Variants in NUBP1 observed in about 807,000 individuals in gnomAD.
The protein encoded by NUBP1 is NUBP iron-sulfur cluster assembly factor 1, cytosolic.
NUBP1 carries 46 observed loss-of-function variants against 41.8 expected under a neutral mutation model. That is an observed-to-expected ratio of 1.10 (90% CI 0.87 to 1.41). The LOEUF (loss-of-function observed/expected upper bound fraction) is 1.41, where lower values mean the gene tolerates loss of function less well. NUBP1 is among the 40% of genes most tolerant of loss of function. The probability of loss-of-function intolerance (pLI) is 0.00; values close to 1 mark genes in which losing one functional copy is unlikely to be tolerated. For synonymous variants in NUBP1, 189 were observed against 154.6 expected, an observed-to-expected ratio of 1.22 and a Z score of -1.65; for missense variants, 494 against 414.0, an observed-to-expected ratio of 1.19 and a Z score of -1.68.
rs1038087935 is a variant in NUBP1 at position 10,759,486 on chromosome 16, G to A, written c.606+1459G>A. Reference sequence around the variant, plus strand: ...GTTTTCTGTCCCATTTTTAAAAAGTGGTTGGTGCTGGGCACACTGGCTCAT... The same window carrying A: ...GTTTTCTGTCCCATTTTTAAAAAGTAGTTGGTGCTGGGCACACTGGCTCAT... On this transcript the variant is annotated intron_variant, in intron 7 of 10. Transcript: ENST00000283027. The surrounding 1 kb of genome is among the most constrained non-coding windows in gnomAD (Gnocchi z 4.7). 6.6e-6 allele frequency among the ~76,000 whole-genome samples: 1 copy of A among 152,192 alleles called. No individual in the cohort carries two copies. Among genetic ancestry groups the A allele is most frequent in the African/African-American group, 2.4e-5 (1 of 41,446 alleles).
chr16:10,767,748 C>T lies in NUBP1; in HGVS notation c.821-201C>T. On this transcript the variant is annotated intron_variant, in intron 9 of 10. Transcript: ENST00000283027. The surrounding 1 kb of genome is among the most constrained non-coding windows in gnomAD (Gnocchi z 4.6). ...TTCTGTACACCACCTGATTATTTAG[C>T]CACGCTGAAATGCTGGCTGGGGACC... 1 of 586,584 alleles carries T rather than the reference C, an allele frequency of 1.7e-6. No individual in the cohort carries two copies. The highest frequency in any genetic ancestry group is 2.0e-5 in the South Asian group (1 of 49,214). The allele number at this position is 586,584 out of a possible 1,614,324, so 36.3% of individuals were successfully genotyped here. A position where few individuals can be genotyped will look rare whatever the true frequency, so the allele number is the denominator to read the frequency against.
intron 9 of NUBP1, chr16:10,762,066 C>G: frequency 2.0e-6 from 1 of 507,312 alleles, no homozygotes; most frequent in Non-Finnish European, 3.6e-6. Context: ...CGGGAGCAAG[C>G]AGGCCTCAGG....
chr16:10,747,374 C>G, intron 3 of NUBP1, 98 bp downstream of exon 3: 1 of 1,503,204 alleles, frequency 6.7e-7, no homozygotes, highest in Admixed American at 1.9e-5. Context: ...TGGTTCATGC[C>G]TGTAATCCCA....
At chr16:10,758,652 C>T (rs1900736210) in intron 7 of NUBP1, among the ~76,000 whole-genome samples, 1 of 152,188 alleles carries the variant, frequency 6.6e-6, no homozygotes, top group Non-Finnish European at 1.5e-5. Context: ...TACTGTGCTG[C>T]CTGGCCCCGT....
Position 10,752,701 on chromosome 16 carries a change from A to T in NUBP1, c.327+23A>T, listed in dbSNP as rs1358816270. 1.9e-6 allele frequency: 3 copies of T among 1,604,114 alleles called. No individual in the cohort carries two copies. The Admixed American group carries it at 5.0e-5, about 27-fold the overall frequency. Reference sequence around the variant, plus strand: ...CAGGTAATAGCCGGTTACAGAACTCAGGAAATTATTCTCTTAAGGCAAACT... The same window carrying T: ...CAGGTAATAGCCGGTTACAGAACTCTGGAAATTATTCTCTTAAGGCAAACT... On this transcript the variant is annotated intron_variant, in intron 4 of 10. Transcript: ENST00000283027.
chr16:10,756,832 G>A, intron 6 of NUBP1, 52 bp downstream of exon 6: 1 of 1,471,760 alleles, frequency 6.8e-7, no homozygotes, highest in Non-Finnish European at 9.3e-7. Context: ...GAGCGTTGTG[G>A]CTCTTGGCTT....
In NUBP1 at chr16:10,743,966, C is replaced by T. The variant is rs761142433; in HGVS notation, c.25C>T (p.Pro9Ser). 2 of 1,585,782 alleles carry T rather than the reference C, an allele frequency of 1.3e-6. No homozygotes were observed. Among genetic ancestry groups the T allele is most frequent in the Non-Finnish European group, 1.7e-6 (2 of 1,170,846 alleles). The change falls in exon 2 of 11, where the codon CCA becomes TCA. Residue 9 changes from proline to serine, a missense_variant. Physicochemically the swap from Pro to Ser is moderately conservative, Grantham distance 74. Transcript: ENST00000283027. MEEVPHDC[P>S]GADSAQAGRG... ...GTGGTCTTGTCTCTGCGCAGACTGT[C>T]CAGGGGCCGACAGCGCCCAGGCGGG...
In NUBP1 at chr16:10,768,907, G is replaced by A; in HGVS notation, c.905-140G>A. 1 of 705,230 alleles carries A rather than the reference G, an allele frequency of 1.4e-6. No individual in the cohort carries two copies. The highest frequency in any genetic ancestry group is 2.5e-6 in the Non-Finnish European group (1 of 402,734). 43.7% of individuals were successfully genotyped at this position (705,230 alleles called of 1,614,324 possible). A position where few individuals can be genotyped will look rare whatever the true frequency, so the allele number is the denominator to read the frequency against. On this transcript the variant is annotated intron_variant, in intron 10 of 10. Coordinates refer to ENST00000283027, the MANE Select transcript of NUBP1 (RefSeq NM_002484.4). The surrounding 1 kb of genome is among the most constrained non-coding windows in gnomAD (Gnocchi z 4.3). The stretch of plus-strand genomic sequence containing the variant: ...TTCCGGTCACTTTCAAAGACTCAGG[G>A]CATCACAGACACAGGTCTTTTTATG...
At chr16:10,760,966 G>A in intron 7 of NUBP1, 1 of 194,950 alleles carries the variant, frequency 5.1e-6, no homozygotes, top group East Asian at 1.3e-4. Context: ...GGCTGGGAAG[G>A]CCCCAGGAAA....
At chr16:10,758,462 G>C (rs1235206208) in intron 7 of NUBP1, among the ~76,000 whole-genome samples, 1 of 152,166 alleles carries the variant, frequency 6.6e-6, no homozygotes, top group African/African-American at 2.4e-5. Context: ...AAGCGAGTGA[G>C]GCCTTGTCCC....
intron 3 of NUBP1, among the ~76,000 whole-genome samples, chr16:10,751,642 G>A (rs530107993): frequency 7.7e-4 from 118 of 152,330 alleles, no homozygotes; most frequent in African/African-American, 2.7e-3. Context: ...CCTGAAGGCC[G>A]TCTCAGACCT....
In NUBP1 at chr16:10,757,738, G is replaced by A; in HGVS notation, c.452-135G>A. On this transcript the variant is annotated intron_variant, in intron 6 of 10. Transcript: ENST00000283027. The surrounding 1 kb of genome is among the most constrained non-coding windows in gnomAD (Gnocchi z 4.1). ...AGTTACTTGGGAGGCTGAGGTGGGA[G>A]GATTGCTTGAGCCTCAGAGTTAAGA... 1 of 1,025,052 alleles carries A rather than the reference G, an allele frequency of 9.8e-7. No homozygotes were observed. Among genetic ancestry groups the A allele is most frequent in the Non-Finnish European group, 1.4e-6 (1 of 696,970 alleles). 63.5% of individuals were successfully genotyped at this position (1,025,052 alleles called of 1,614,324 possible). A position where few individuals can be genotyped will look rare whatever the true frequency, so the allele number is the denominator to read the frequency against.
At chr16:10,754,269 T>A (rs942137980) in intron 4 of NUBP1, among the ~76,000 whole-genome samples, 3 of 151,364 alleles carry the variant, frequency 2.0e-5, no homozygotes, top group Non-Finnish European at 4.4e-5. Context: ...TGAGACAGAG[T>A]TTCACTCTTG....
intron 4 of NUBP1, among the ~76,000 whole-genome samples, chr16:10,754,650 G>C (rs1334147646): frequency 6.6e-6 from 1 of 152,196 alleles, no homozygotes; most frequent in African/African-American, 2.4e-5. Flanking sequence ...AGAGAAAGTG[G>C]ATTAGGGGTC....
rs982384130 is a variant in NUBP1 at position 10,747,017 on chromosome 16, G to T, written c.125-126G>T. ...ACCATTGTCTGAGAGGTATTTCAGAGGATCGTTTTAAACAGCCCCAGGACT... is the reference window on the plus strand; with the variant it reads ...ACCATTGTCTGAGAGGTATTTCAGATGATCGTTTTAAACAGCCCCAGGACT... On this transcript the variant is annotated intron_variant, in intron 2 of 10. Transcript: ENST00000283027. The T allele has an allele frequency of 4.7e-6, 5 of 1,068,958 alleles. No individual in the cohort carries two copies. In the African/African-American group the frequency reaches 6.4e-5, roughly 14 times the overall value. The allele number at this position is 1,068,958 out of a possible 1,614,324, so 66.2% of individuals were successfully genotyped here. A position where few individuals can be genotyped will look rare whatever the true frequency, so the allele number is the denominator to read the frequency against.
Position 10,749,157 on chromosome 16 carries a change from A to ACACC in NUBP1, c.258+1884_258+1885insCCAC. 6.7e-6 allele frequency among the ~76,000 whole-genome samples: 1 copy of ACACC among 150,202 alleles called. No individual in the cohort carries two copies. The highest frequency in any genetic ancestry group is 6.6e-5 in the Admixed American group (1 of 15,062). ...CACACACACACACACACACACACACACACACACACACACGTTGATTCGTCA... is the reference window on the plus strand; with the variant it reads ...CACACACACACACACACACACACACACACCCACACACACACACGTTGATTCGTCA... On this transcript the variant is annotated intron_variant, in intron 3 of 10. Transcript: ENST00000283027. The surrounding 1 kb of genome is among the most constrained non-coding windows in gnomAD (Gnocchi z 4.1).
chr16:10,764,318 T>C lies in NUBP1; in HGVS notation c.820+2459T>C, dbSNP rs543693096. ...TGGAGTATTTGTCTATTGGAGCATC[T>C]CAGTCTGCTGGAGTGTGGCAGTCTA... On this transcript the variant is annotated intron_variant, in intron 9 of 10. Coordinates refer to ENST00000283027, the MANE Select transcript of NUBP1 (RefSeq NM_002484.4). Among the ~76,000 whole-genome samples the C allele has an allele frequency of 6.2e-4, 95 of 152,380 alleles. 1 individual carries two copies. The highest frequency in any genetic ancestry group is 6.0e-3 in the South Asian group (29 of 4,832).
intron 4 of NUBP1, among the ~76,000 whole-genome samples, chr16:10,754,214 GTTTATTTTATTTTATTTTAT>G (rs201160711): frequency 6.8e-6 from 1 of 145,986 alleles, no homozygotes; most frequent in South Asian, 2.2e-4. Flanking sequence ...GTTTTGTGGG[GTTTATTTTATTTTATTTTAT>G]TTTATTTTAT....
intron 7 of NUBP1, among the ~76,000 whole-genome samples, chr16:10,760,003 G>A (rs1900833135): frequency 6.6e-6 from 1 of 152,172 alleles, no homozygotes; most frequent in South Asian, 2.1e-4. Flanking sequence ...TTGGGTACAG[G>A]GATCTGTGAT....
Sources: allele counts gnomAD v4.1 joint callset (sites outside exome capture counted in the v4.1 genomes callset), GRCh38; gene constraint gnomAD v4.1.1; non-coding constraint Gnocchi (gnomAD v3.1); transcripts MANE v1.5; gene names NCBI Gene and HGNC (gene_info 2026-07-23, HGNC 2026-07-21).